TBL1XR1: variants seen among roughly 807,000 people sequenced by gnomAD.
TBL1XR1 encodes F-box-like/WD repeat-containing protein TBL1XR1.
TBL1XR1 carries 5 observed loss-of-function variants against 66.9 expected under a neutral mutation model. That is an observed-to-expected ratio of 0.07 (90% confidence interval 0.04 to 0.16). TBL1XR1 has a LOEUF of 0.16. TBL1XR1 is among the 10% of genes least tolerant of loss of function. TBL1XR1 has a pLI of 1.00. For synonymous variants in TBL1XR1, 210 were observed against 206.0 expected (o/e 1.02, Z -0.17); for missense variants, 238 against 623.2 (o/e 0.38, Z 6.58).
At chr3:177,088,661 A>G (rs1722448189) in intron 2 of TBL1XR1, among the ~76,000 whole-genome samples, 1 of 151,968 alleles carries the variant, frequency 6.6e-6, no homozygotes, top group African/African-American at 2.4e-5. Context: ...ACAAGGAATC[A>G]GTTAAATATA....
At chr3:177,077,317 A>G (rs1720816252) in intron 2 of TBL1XR1, among the ~76,000 whole-genome samples, 2 of 152,080 alleles carry the variant, frequency 1.3e-5, no homozygotes, top group African/African-American at 4.8e-5. Flanking sequence ...TAGAGCAGGT[A>G]AGAAACTATG....
intron 2 of TBL1XR1, among the ~76,000 whole-genome samples, chr3:177,082,738 T>TTATATATATATATA (rs374510003): frequency 0.063 from 3,994 of 62,978 alleles, 473 homozygotes; most frequent in Middle Eastern, 0.091. Flanking sequence ...AAGATAGAGA[T>TTATATATATATATA]TATATATATA....
At chr3:177,119,315 G>A (rs903668515) in intron 1 of TBL1XR1, among the ~76,000 whole-genome samples, 30 of 152,228 alleles carry the variant, frequency 2.0e-4, no homozygotes, top group African/African-American at 5.8e-4. Flanking sequence ...GCAGTTCCAC[G>A]GGTGAAGAAT....
intron 1 of TBL1XR1, among the ~76,000 whole-genome samples, chr3:177,180,677 T>C (rs1212667311): frequency 2.6e-5 from 4 of 151,934 alleles, no homozygotes; most frequent in African/African-American, 7.3e-5. Context: ...CAGAATCAAA[T>C]CTACCAAGAC....
At chr3:177,151,704 T>A (rs1577321992) in intron 1 of TBL1XR1, among the ~76,000 whole-genome samples, 1 of 152,178 alleles carries the variant, frequency 6.6e-6, no homozygotes, top group Non-Finnish European at 1.5e-5. Flanking sequence ...TCAGCCACTG[T>A]GAAATATCAG....
Position 177,047,327 on chromosome 3 carries a change from A to G in TBL1XR1, c.837T>C (p.Asn279=). Reference sequence around the variant, plus strand: ...TGTCTACTCCAGCACTTAGGATGAAATTTCCTTTCTTATTCCATTTTAATG... The same window carrying G: ...TGTCTACTCCAGCACTTAGGATGAAGTTTCCTTTCTTATTCCATTTTAATG... The part of the protein sequence containing the change: ...IFALKWNKKG[N]FILSAGVDKT... The change falls in exon 9 of 16, where the codon AAT becomes AAC. Residue 279 remains asparagine, a synonymous_variant. Coordinates refer to ENST00000457928, the MANE Select transcript of TBL1XR1 (RefSeq NM_024665.7). The G allele has an allele frequency of 6.4e-7, 1 of 1,565,132 alleles. No homozygotes were observed. The highest frequency in any genetic ancestry group is 1.4e-5 in the African/African-American group (1 of 74,022).
At chr3:177,177,540 C>G (rs541109647) in intron 1 of TBL1XR1, among the ~76,000 whole-genome samples, 12 of 152,158 alleles carry the variant, frequency 7.9e-5, no homozygotes, top group Non-Finnish European at 1.8e-4. Context: ...CATCAATTAT[C>G]CATTTACCCG....
chr3:177,068,978 C>A (rs551656736), intron 2 of TBL1XR1, among the ~76,000 whole-genome samples: 1 of 152,146 alleles, frequency 6.6e-6, no homozygotes, highest in Non-Finnish European at 1.5e-5. Flanking sequence ...TTAGATGTGA[C>A]GAACTTAAAT....
At chr3:177,187,024 G>T (rs377277748) in intron 1 of TBL1XR1, among the ~76,000 whole-genome samples, 1 of 151,944 alleles carries the variant, frequency 6.6e-6, no homozygotes, top group African/African-American at 2.4e-5. Context: ...AAAATTAGCC[G>T]GGCGTGGTGG....
At chr3:177,172,717 A>AGCCG (rs1560260876) in intron 1 of TBL1XR1, among the ~76,000 whole-genome samples, 14 of 135,210 alleles carry the variant, frequency 1.0e-4, no homozygotes, top group East Asian at 8.8e-4. Context: ...GAGAAGAGCC[A>AGCCG]AGCCGAGCCA....
intron 1 of TBL1XR1, among the ~76,000 whole-genome samples, chr3:177,121,084 C>T (rs138939761): frequency 6.6e-6 from 1 of 152,244 alleles, no homozygotes; most frequent in African/African-American, 2.4e-5. Context: ...GATTCTTGGT[C>T]CAGAATTAGT....
At chr3:177,152,129 T>C (rs998222217) in intron 1 of TBL1XR1, among the ~76,000 whole-genome samples, 7 of 152,220 alleles carry the variant, frequency 4.6e-5, no homozygotes, top group Non-Finnish European at 8.8e-5. Context: ...TATAGCAAAT[T>C]AGAAGTTTAG....
rs149365361 is a variant in TBL1XR1, at chr3:177,055,967, AATTC to A, written c.59-2053_59-2050del. On this transcript the variant is annotated intron_variant, in intron 3 of 15. Coordinates refer to ENST00000457928, the MANE Select transcript of TBL1XR1 (RefSeq NM_024665.7). ...TAATAAATGAGAAAGTACAGATTCA[AATTC>A]ATTCAGAGACTCTACTACTCCTCTT... Among the ~76,000 whole-genome samples the A allele has an allele frequency of 5.0e-3, 760 of 152,336 alleles. 6 individuals carry two copies. The highest frequency in any genetic ancestry group is 0.017 in the African/African-American group (727 of 41,572).
chr3:177,150,515 G>C (rs1351379627), intron 1 of TBL1XR1, among the ~76,000 whole-genome samples: 1 of 152,174 alleles, frequency 6.6e-6, no homozygotes, highest in Non-Finnish European at 1.5e-5. Context: ...TCCTCTTTCA[G>C]CAACTACAGA....
chr3:177,197,618 CCGGG>C (rs1311855525), upstream of TBL1XR1, among the ~76,000 whole-genome samples: 1 of 130,690 alleles, frequency 7.7e-6, no homozygotes, highest in African/African-American at 2.8e-5. Flanking sequence ...GCGGCCTGCG[CCGGG>C]CGGGCGGGCG....
At chr3:177,103,911 G>A (rs1391851378) in intron 1 of TBL1XR1, among the ~76,000 whole-genome samples, 2 of 152,048 alleles carry the variant, frequency 1.3e-5, no homozygotes, top group African/African-American at 4.8e-5. Flanking sequence ...AGGTCAGAAG[G>A]TTAAGACCAG....
chr3:177,185,459 A>G (rs1443254857), intron 1 of TBL1XR1, among the ~76,000 whole-genome samples: 1 of 152,072 alleles, frequency 6.6e-6, no homozygotes, highest in Non-Finnish European at 1.5e-5. Flanking sequence ...AGTACAAAAA[A>G]ATTAGCCAAG....
chr3:177,121,473 C>T (rs1726966127), intron 1 of TBL1XR1, among the ~76,000 whole-genome samples: 1 of 152,070 alleles, frequency 6.6e-6, no homozygotes, highest in Non-Finnish European at 1.5e-5. Context: ...GAAATAAGTC[C>T]CAATTTGACT....
At chr3:177,100,133 GGAGCCTGGGGCACGAGGGTCACTT>G (rs1724011691) in intron 1 of TBL1XR1, among the ~76,000 whole-genome samples, 1 of 152,150 alleles carries the variant, frequency 6.6e-6, no homozygotes, top group African/African-American at 2.4e-5. Context: ...TAGCTACTCG[GGAGCCTGGGGCACGAGGGTCACTT>G]GAGCCTGGGA....
Sources: allele counts gnomAD v4.1 joint callset (sites outside exome capture counted in the v4.1 genomes callset), GRCh38; gene constraint gnomAD v4.1.1; transcripts MANE v1.5; gene names NCBI Gene and HGNC (gene_info 2026-07-23, HGNC 2026-07-21).